MYO5A: variants seen among roughly 807,000 people sequenced by gnomAD.
The protein encoded by MYO5A is unconventional myosin-Va.
A neutral mutation model predicts 249.7 loss-of-function variants in MYO5A; 98 were observed. The ratio of observed to expected loss-of-function variants is 0.39; its 90% CI spans 0.33 to 0.46. MYO5A has a LOEUF of 0.46. Among genes scored for constraint, MYO5A ranks in the 20% least tolerant of loss-of-function variants. The probability of loss-of-function intolerance (pLI) is 0.98; values close to 1 mark genes in which losing one functional copy is unlikely to be tolerated. For synonymous variants in MYO5A, 778 were observed against 810.6 expected, an observed-to-expected ratio of 0.96 and a Z score of 0.68; for missense variants, 1,696 against 2,308.8, an observed-to-expected ratio of 0.73 and a Z score of 5.44.
chr15:52,521,089 G>T (rs914940960), intron 1 of MYO5A, among the ~76,000 whole-genome samples: 8 of 152,172 alleles, frequency 5.3e-5, no homozygotes, highest in African/African-American at 1.7e-4. Flanking sequence ...TTAGCCAGGG[G>T]TGGTGGCACA....
rs769896407 is a variant in MYO5A, at chr15:52,319,157, C to T, written c.5137G>A (p.Val1713Met). ...ATGATGTAGAACATCTGCTTGACCA[C>T]CTGCTTGATCAGTTCAGGGTCCATG... ...HGMDPELIKQ[V>M]VKQMFYIIGA... The change falls in exon 39 of 42, where the codon GTG (valine) becomes ATG (methionine). Residue 1713 changes from valine to methionine, a missense_variant. By Grantham distance (21) the Val-to-Met change is conservative. Transcript: ENST00000399233. 1.2e-6 allele frequency: 2 copies of T among 1,614,178 alleles called. No individual in the cohort carries two copies. The highest frequency in any genetic ancestry group is 1.7e-6 in the Non-Finnish European group (2 of 1,180,024).
At chr15:52,431,914 G>A (rs1172682470) in intron 2 of MYO5A, among the ~76,000 whole-genome samples, 2 of 151,906 alleles carry the variant, frequency 1.3e-5, no homozygotes, top group African/African-American at 4.8e-5. Context: ...GCATGATCAA[G>A]CCACTGCACT....
At chr15:52,403,935 C>A (rs1441897465) in intron 9 of MYO5A, among the ~76,000 whole-genome samples, 1 of 152,114 alleles carries the variant, frequency 6.6e-6, no homozygotes, top group South Asian at 2.1e-4. Flanking sequence ...AAACTGTCTG[C>A]CCATCTAGCT....
intron 34 of MYO5A, among the ~76,000 whole-genome samples, chr15:52,333,786 G>C (rs868121237): frequency 6.6e-6 from 1 of 152,110 alleles, no homozygotes; most frequent in South Asian, 2.1e-4. Context: ...AAACCAAAAG[G>C]ATTTAAGTGT....
intron 14 of MYO5A, among the ~76,000 whole-genome samples, chr15:52,385,085 T>C (rs1403758137): frequency 6.6e-6 from 1 of 152,182 alleles, no homozygotes; most frequent in Non-Finnish European, 1.5e-5. Flanking sequence ...TAGATGATAT[T>C]AGTCAATATG....
chr15:52,520,611 T>G (rs991069590), intron 1 of MYO5A, among the ~76,000 whole-genome samples: 1 of 152,158 alleles, frequency 6.6e-6, no homozygotes, highest in Non-Finnish European at 1.5e-5. Context: ...GCAAATAAAC[T>G]CCTCTTTGGC....
chr15:52,397,178 AC>A lies in MYO5A; in HGVS notation c.1319+22del, dbSNP rs1255031954. On this transcript the variant is annotated intron_variant, in intron 10 of 41. Transcript: ENST00000399233. ...TCTAGAAAGAAATGTTCTCTGGCAGACCAATTAGCCAAATATACTCACCCGT... is the reference window on the plus strand; with the variant it reads ...TCTAGAAAGAAATGTTCTCTGGCAGACAATTAGCCAAATATACTCACCCGT... The A allele has an allele frequency of 2.5e-6, 4 of 1,612,776 alleles. No individual in the cohort carries two copies. In the African/African-American group the frequency reaches 5.3e-5, roughly 22 times the overall value.
intron 20 of MYO5A, among the ~76,000 whole-genome samples, chr15:52,374,581 C>A (rs1170443131): frequency 2.0e-5 from 3 of 152,138 alleles, no homozygotes; most frequent in Non-Finnish European, 4.4e-5. Flanking sequence ...TTATAAGAGG[C>A]AGATAGGAGA....
At chr15:52,401,622 T>G (rs1360610547) in intron 9 of MYO5A, among the ~76,000 whole-genome samples, 1 of 152,192 alleles carries the variant, frequency 6.6e-6, no homozygotes, top group Non-Finnish European at 1.5e-5. Context: ...ATGATGTTCT[T>G]AGGAATAGAT....
intron 34 of MYO5A, 100 bp downstream of exon 34, chr15:52,336,363 T>C (rs1027175164): frequency 1.3e-6 from 1 of 753,500 alleles, no homozygotes; most frequent in East Asian, 2.7e-5. Context: ...ATCCCTAATA[T>C]TTGCATGCAA....
Position 52,327,691 on chromosome 15 carries a change from C to T in MYO5A, c.4710+161G>A, listed in dbSNP as rs534545257. 7.9e-5 allele frequency among the ~76,000 whole-genome samples: 12 copies of T among 152,220 alleles called. No individual in the cohort carries two copies. The South Asian group carries it at 2.5e-3, about 32-fold the overall frequency. On this transcript the variant is annotated intron_variant, in intron 36 of 41. Coordinates refer to ENST00000399233, the MANE Select transcript of MYO5A (RefSeq NM_001382347.1). ...CACTACTGTACTTCAGCCTAGGTGA[C>T]ACAGCAAAACCCTGTCTCAAAATAG...
At chr15:52,323,474 T>C (rs201263809) in intron 36 of MYO5A, 30 bp from the exon 37 acceptor site, 3 of 1,561,692 alleles carry the variant, frequency 1.9e-6, no homozygotes, top group Non-Finnish European at 1.8e-6. Flanking sequence ...TAAACTTGCC[T>C]TTTCCTTAGG....
intron 1 of MYO5A, chr15:52,438,065 T>C (rs2075704125): frequency 1.0e-6 from 1 of 985,106 alleles, no homozygotes; most frequent in African/African-American, 1.7e-5. Flanking sequence ...TCTTAACCAA[T>C]GAGATCAGTG....
chr15:52,330,903 T>C (rs1169218008), intron 34 of MYO5A, among the ~76,000 whole-genome samples: 3 of 152,208 alleles, frequency 2.0e-5, no homozygotes, highest in Non-Finnish European at 2.9e-5. Flanking sequence ...ATCAATATCC[T>C]ACAAAGGGGC....
intron 4 of MYO5A, among the ~76,000 whole-genome samples, chr15:52,422,529 A>C (rs905909933): frequency 1.3e-5 from 2 of 151,986 alleles, no homozygotes; most frequent in Admixed American, 6.6e-5. Context: ...TTTTTCTCAA[A>C]TACCCCATAT....
chr15:52,349,697 A>T (rs1465310230), intron 28 of MYO5A, among the ~76,000 whole-genome samples: 1 of 152,142 alleles, frequency 6.6e-6, no homozygotes, highest in Non-Finnish European at 1.5e-5. Flanking sequence ...ATTATTTGTC[A>T]ATTAACATTT....
Position 52,336,517 on chromosome 15 carries a change from G to A in MYO5A, c.4354C>T (p.Arg1452Cys), listed in dbSNP as rs370782709. The change falls in exon 34 of 42, where the codon CGT becomes TGT. Residue 1452 changes from arginine to cysteine, a missense_variant. Arg to Cys is a radical substitution (Grantham distance 180). Around this residue, in one of 5 missense-constraint regions of MYO5A, gnomAD observed 625 missense variants for 908.1 expected, o/e 0.69. Coordinates refer to ENST00000399233, the MANE Select transcript of MYO5A (RefSeq NM_001382347.1). ...ACTTTCAGTTGTTTTTTCAGTTTAC[G>A]GACCGTCTTATCCTGTTTTTCAAGT... The part of the protein sequence containing the change: ...EQLEKQDKTV[R>C]KLKKQLKVFA... The A allele has an allele frequency of 8.1e-6, 13 of 1,607,702 alleles. No individual in the cohort carries two copies. The highest frequency in any genetic ancestry group is 2.2e-5 in the East Asian group (1 of 44,806).
intron 34 of MYO5A, among the ~76,000 whole-genome samples, chr15:52,334,708 C>A (rs1450708615): frequency 6.6e-6 from 1 of 152,212 alleles, no homozygotes; most frequent in Non-Finnish European, 1.5e-5. Flanking sequence ...AGGTCAGACA[C>A]TATGCTAGGT....
intron 1 of MYO5A, among the ~76,000 whole-genome samples, chr15:52,502,224 A>G (rs1378421294): frequency 1.3e-5 from 2 of 152,160 alleles, no homozygotes; most frequent in Non-Finnish European, 2.9e-5. Flanking sequence ...CAGAGGTTAC[A>G]GTGAGCCAAG....
Sources: gnomAD v4.1 joint callset for allele counts (sites outside exome capture counted in the v4.1 genomes callset) on GRCh38, gnomAD v4.1.1 for gene constraint, gnomAD v4.1.1 regional missense constraint, MANE v1.5 for transcripts, NCBI Gene and HGNC (gene_info 2026-07-23, HGNC 2026-07-21) for gene names.